Variants in SYNDIG1 observed in about 807,000 individuals in gnomAD.
The protein encoded by SYNDIG1 is synapse differentiation inducing 1.
A neutral mutation model predicts 19.4 loss-of-function variants in SYNDIG1; 9 were observed. The observed-to-expected ratio is 0.46, with a 90% CI of 0.28 to 0.81. The LOEUF (loss-of-function observed/expected upper bound fraction) is 0.81. Among genes scored for constraint, SYNDIG1 ranks in the 30% least tolerant of loss-of-function variants. The pLI, the probability that SYNDIG1 is intolerant of heterozygous loss-of-function variation, is 0.12. For synonymous variants in SYNDIG1, 141 were observed against 145.9 expected (o/e 0.97, Z 0.24); for missense variants, 311 against 343.3 (o/e 0.91, Z 0.74).
At chr20:24,506,879 A>G (rs1439709314) in intron 1 of SYNDIG1, among the ~76,000 whole-genome samples, 1 of 152,162 alleles carries the variant, frequency 6.6e-6, no homozygotes, top group Non-Finnish European at 1.5e-5. Context: ...CAGGCAGAGA[A>G]GCTGGGCAGT....
intron 3 of SYNDIG1, among the ~76,000 whole-genome samples, chr20:24,646,436 C>T (rs1472841126): frequency 6.6e-6 from 1 of 152,156 alleles, no homozygotes; most frequent in Admixed American, 6.5e-5. Context: ...TGAATTCCGT[C>T]CCTTGGGTGT....
rs2057507380 is a variant in SYNDIG1, at chr20:24,543,376, C to T, written c.279C>T (p.Leu93=). The change falls in exon 2 of 4, where the codon CTC becomes CTT. Residue 93 remains leucine (L), a synonymous_variant. Transcript: ENST00000376862. ...VESRYRPNII[L]YSEGVLRSWG... ...CCCGCTACCGGCCCAACATCATCCT[C>T]TATTCAGAGGGCGTGCTGCGCTCCT... is the stretch of plus-strand genomic sequence containing the variant. 6.2e-7 allele frequency: 1 copy of T among 1,613,566 alleles called. No homozygotes were observed. Among genetic ancestry groups the T allele is most frequent in the Non-Finnish European group, 8.5e-7 (1 of 1,180,040 alleles).
rs1273957788 is a variant in SYNDIG1 at position 24,527,513 on chromosome 20, C to CT, written c.-78-15498dup. On this transcript the variant is annotated intron_variant, in intron 1 of 3. Coordinates refer to ENST00000376862, the MANE Select transcript of SYNDIG1 (RefSeq NM_024893.3). ...TTGTTCTTTTCTTCTCTTCTCTTTT[C>CT]TTTTTTTTTCCTTTCTTTTCTTTTC... is the stretch of plus-strand genomic sequence containing the variant. Among the ~76,000 whole-genome samples the CT allele has an allele frequency of 8.6e-3, 1,019 of 118,904 alleles. 12 individuals are homozygous for CT. The highest frequency in any genetic ancestry group is 0.032 in the African/African-American group (951 of 29,320). The allele number at this position is 118,904 out of a possible 152,430, so 78.0% of individuals were successfully genotyped here.
intron 3 of SYNDIG1, among the ~76,000 whole-genome samples, chr20:24,594,340 T>C (rs1163442988): frequency 1.3e-5 from 2 of 152,004 alleles, no homozygotes; most frequent in East Asian, 3.8e-4. Flanking sequence ...AGATCAGGTG[T>C]ATGGTTTTAT....
At chr20:24,588,846 T>C (rs1190768925) in intron 3 of SYNDIG1, among the ~76,000 whole-genome samples, 5 of 151,788 alleles carry the variant, frequency 3.3e-5, no homozygotes, top group African/African-American at 7.3e-5. Flanking sequence ...TCAGTGAGAT[T>C]GAGAGATGTG....
At chr20:24,664,541 G>A (rs1433992035) in intron 3 of SYNDIG1, among the ~76,000 whole-genome samples, 1 of 152,154 alleles carries the variant, frequency 6.6e-6, no homozygotes, top group African/African-American at 2.4e-5. Flanking sequence ...TCTGCCAAAT[G>A]AGCCATTTTA....
chr20:24,652,469 T>A lies in SYNDIG1; in HGVS notation c.619-12877T>A, dbSNP rs1486875483. 2.0e-5 allele frequency among the ~76,000 whole-genome samples: 3 copies of A among 152,338 alleles called. No homozygotes were observed. In the East Asian group the frequency reaches 5.8e-4, roughly 29 times the overall value. On this transcript the variant is annotated intron_variant, in intron 3 of 3. Coordinates refer to ENST00000376862, the MANE Select transcript of SYNDIG1 (RefSeq NM_024893.3). ...GGCCATCAGAAGAGGCTTCTGCCTGTCCTACGCTGGGCTCTGGTCCAGCCC... is the reference window on the plus strand; with the variant it reads ...GGCCATCAGAAGAGGCTTCTGCCTGACCTACGCTGGGCTCTGGTCCAGCCC...
chr20:24,558,973 A>G (rs1391938396), intron 2 of SYNDIG1, among the ~76,000 whole-genome samples: 1 of 152,240 alleles, frequency 6.6e-6, no homozygotes, highest in Non-Finnish European at 1.5e-5. Flanking sequence ...AACTAGAAAT[A>G]GAACTACCAT....
chr20:24,480,740 G>A (rs1037742359), intron 1 of SYNDIG1, among the ~76,000 whole-genome samples: 8 of 152,252 alleles, frequency 5.3e-5, no homozygotes, highest in African/African-American at 1.9e-4. Flanking sequence ...TCTATCAGCA[G>A]ATGAGCGGAT....
chr20:24,611,611 C>A (rs1034442417), intron 3 of SYNDIG1, among the ~76,000 whole-genome samples: 1 of 152,000 alleles, frequency 6.6e-6, no homozygotes, highest in Admixed American at 6.6e-5. Flanking sequence ...GCCACCCCCA[C>A]CTTTCATGGC....
At chr20:24,654,658 A>AGAGAGGGAGGGAGGG (rs1169611304) in intron 3 of SYNDIG1, among the ~76,000 whole-genome samples, 25 of 135,778 alleles carry the variant, frequency 1.8e-4, no homozygotes, top group African/African-American at 7.3e-4. Flanking sequence ...GGGAGGAAGG[A>AGAGAGGGAGGGAGGG]AGGAAGGAAG....
chr20:24,557,525 ACAGGACCCTCAG>A (rs1312873684), intron 2 of SYNDIG1, among the ~76,000 whole-genome samples: 1 of 152,068 alleles, frequency 6.6e-6, no homozygotes, highest in Non-Finnish European at 1.5e-5. Context: ...CTTCTAACAG[ACAGGACCCTCAG>A]CTGCAGGTCT....
chr20:24,516,977 A>G (rs1419874960), intron 1 of SYNDIG1, among the ~76,000 whole-genome samples: 1 of 152,242 alleles, frequency 6.6e-6, no homozygotes, highest in Non-Finnish European at 1.5e-5. Context: ...AGCCATAGAA[A>G]AGGATTAGTT....
chr20:24,558,836 T>C (rs929247433), intron 2 of SYNDIG1, among the ~76,000 whole-genome samples: 2 of 152,208 alleles, frequency 1.3e-5, no homozygotes, highest in African/African-American at 4.8e-5. Flanking sequence ...CATTTTTTGC[T>C]CATACTGTCA....
At chr20:24,556,159 T>C in intron 2 of SYNDIG1, among the ~76,000 whole-genome samples, 1 of 152,180 alleles carries the variant, frequency 6.6e-6, no homozygotes. Context: ...ATTTGCTTGG[T>C]AGATCTTCCT....
At chr20:24,630,652 G>A (rs1323420909) in intron 3 of SYNDIG1, among the ~76,000 whole-genome samples, 1 of 152,230 alleles carries the variant, frequency 6.6e-6, no homozygotes, top group Non-Finnish European at 1.5e-5. Context: ...TTACGTGGCT[G>A]CAGCAACATC....
At chr20:24,472,617 A>G (rs951716399) in intron 1 of SYNDIG1, among the ~76,000 whole-genome samples, 1 of 152,212 alleles carries the variant, frequency 6.6e-6, no homozygotes, top group Non-Finnish European at 1.5e-5. Context: ...ATGTTTGGTC[A>G]TCCTCCAGGT....
chr20:24,584,384 G>T (rs552520580), intron 2 of SYNDIG1, among the ~76,000 whole-genome samples: 3 of 152,224 alleles, frequency 2.0e-5, no homozygotes, highest in Non-Finnish European at 4.4e-5. Flanking sequence ...AAAGAAAAAC[G>T]CGCCTGGACT....
chr20:24,513,884 G>C (rs184475470), intron 1 of SYNDIG1, among the ~76,000 whole-genome samples: 93 of 152,210 alleles, frequency 6.1e-4, no homozygotes, highest in African/African-American at 2.1e-3. Flanking sequence ...AGAAAGGTCG[G>C]GTTACCCACA....
Sources: gnomAD v4.1 joint callset for allele counts (sites outside exome capture counted in the v4.1 genomes callset) on GRCh38, gnomAD v4.1.1 for gene constraint, MANE v1.5 for transcripts, NCBI Gene and HGNC (gene_info 2026-07-23, HGNC 2026-07-21) for gene names.